Variants in DPP4 observed in about 807,000 individuals in gnomAD.
DPP4 encodes dipeptidyl peptidase 4.
A neutral mutation model predicts 122.4 loss-of-function variants in DPP4; 93 were observed. The ratio of observed to expected loss-of-function variants is 0.76; its 90% confidence interval spans 0.64 to 0.90. DPP4 has a LOEUF of 0.90. Among genes scored for constraint, DPP4 ranks in the 40% least tolerant of loss-of-function variants. The pLI is 0.00. For missense variants in DPP4, 914 were observed against 907.3 expected, an observed-to-expected ratio of 1.01 and a Z score of -0.09; for synonymous variants, 321 against 302.9, an observed-to-expected ratio of 1.06 and a Z score of -0.62.
chr2:162,024,127 G>A (rs1036807713), intron 11 of DPP4, among the ~76,000 whole-genome samples: 1 of 152,210 alleles, frequency 6.6e-6, no homozygotes, highest in Non-Finnish European at 1.5e-5. Context: ...TAGATAAGGG[G>A]GATTGGGGAG....
intron 3 of DPP4, 63 bp from the exon 4 acceptor site, chr2:162,047,069 A>G (rs73971544): frequency 0.02 from 17,832 of 884,806 alleles, 463 homozygotes; most frequent in African/African-American, 0.098. Flanking sequence ...CATAAGCTGA[A>G]AATTACAGAA....
At chr2:162,048,964 T>C (rs1240427089) in intron 2 of DPP4, among the ~76,000 whole-genome samples, 2 of 152,232 alleles carry the variant, frequency 1.3e-5, no homozygotes, top group Non-Finnish European at 1.5e-5. Flanking sequence ...GATATCATCC[T>C]AGAAGCATAA....
At chr2:162,027,462 T>A (rs923218883) in intron 10 of DPP4, among the ~76,000 whole-genome samples, 1 of 152,008 alleles carries the variant, frequency 6.6e-6, no homozygotes, top group Non-Finnish European at 1.5e-5. Flanking sequence ...GTATCAGTGG[T>A]TACTATTTTT....
At chr2:162,059,895 T>C (rs1236010971) in intron 2 of DPP4, among the ~76,000 whole-genome samples, 1 of 152,198 alleles carries the variant, frequency 6.6e-6, no homozygotes, top group East Asian at 1.9e-4. Flanking sequence ...TAATTACGCA[T>C]TCTTATGGTG....
chr2:162,066,872 G>A (rs959093871), intron 2 of DPP4, among the ~76,000 whole-genome samples: 4 of 152,100 alleles, frequency 2.6e-5, no homozygotes, highest in Non-Finnish European at 4.4e-5. Context: ...TTACGGAAAC[G>A]AATAGAGCAA....
At chr2:162,000,858 T>A (rs1677618419) in intron 23 of DPP4, among the ~76,000 whole-genome samples, 1 of 152,178 alleles carries the variant, frequency 6.6e-6, no homozygotes, top group Non-Finnish European at 1.5e-5. Context: ...CTGTGTGTAT[T>A]CATAAATCTA....
chr2:162,034,131 G>A (rs1037557742), intron 9 of DPP4, among the ~76,000 whole-genome samples: 1 of 151,764 alleles, frequency 6.6e-6, no homozygotes, highest in Admixed American at 6.6e-5. Flanking sequence ...CTGAGTCAAC[G>A]GTGTCAATTA....
intron 20 of DPP4, among the ~76,000 whole-genome samples, chr2:162,010,342 T>C (rs1682646286): frequency 6.6e-6 from 1 of 152,224 alleles, no homozygotes; most frequent in Non-Finnish European, 1.5e-5. Flanking sequence ...GTTTTTCTTT[T>C]ATTGAATTCC....
intron 10 of DPP4, among the ~76,000 whole-genome samples, chr2:162,026,117 T>C (rs1226489585): frequency 2.0e-5 from 3 of 152,162 alleles, no homozygotes; most frequent in Non-Finnish European, 4.4e-5. Context: ...TCTTCAGAAT[T>C]CATAGATCAA....
rs374225124 is a variant in DPP4, at chr2:162,000,974, C to T, written c.2052+4771G>A. On this transcript the variant is annotated intron_variant, in intron 23 of 25. Coordinates refer to ENST00000360534, the MANE Select transcript of DPP4 (RefSeq NM_001935.4). The stretch of plus-strand genomic sequence containing the variant: ...AGTTCATCGGACCTGCTTCACACAT[C>T]GCCAGAAAACCACTCTTCCTGCTAT... 8.5e-5 allele frequency among the ~76,000 whole-genome samples: 13 copies of T among 152,286 alleles called. No homozygotes were observed. In the South Asian group the frequency reaches 2.3e-3, roughly 27 times the overall value.
chr2:161,994,147 G>A (rs1700934456), intron 25 of DPP4, among the ~76,000 whole-genome samples: 1 of 152,138 alleles, frequency 6.6e-6, no homozygotes, highest in Admixed American at 6.5e-5. Flanking sequence ...AATTAAAGTA[G>A]CATTTGTCTT....
intron 2 of DPP4, among the ~76,000 whole-genome samples, chr2:162,065,976 T>A (rs1361363561): frequency 6.6e-6 from 1 of 152,178 alleles, no homozygotes; most frequent in Non-Finnish European, 1.5e-5. Flanking sequence ...GAGAATTACC[T>A]TCTGTCAACA....
chr2:162,025,046 T>C, intron 10 of DPP4, 107 bp from the exon 11 acceptor site: 1 of 1,250,344 alleles, frequency 8.0e-7, no homozygotes, highest in Admixed American at 2.5e-5. Flanking sequence ...TCAATCTTAA[T>C]GGGAAGTAGA....
chr2:162,036,381 A>AT (rs1178750501), intron 8 of DPP4, among the ~76,000 whole-genome samples: 1 of 152,222 alleles, frequency 6.6e-6, no homozygotes, highest in Admixed American at 6.5e-5. Context: ...AGCAGCTGAC[A>AT]TTCAATGAGT....
At chr2:162,072,916 G>T (rs551731307) in intron 2 of DPP4, among the ~76,000 whole-genome samples, 1 of 152,190 alleles carries the variant, frequency 6.6e-6, no homozygotes, top group African/African-American at 2.4e-5. Context: ...AGGGAAAACA[G>T]TCTGGGTTCC....
At chr2:162,000,579 T>G (rs1309889868) in intron 23 of DPP4, among the ~76,000 whole-genome samples, 1 of 152,198 alleles carries the variant, frequency 6.6e-6, no homozygotes, top group Non-Finnish European at 1.5e-5. Context: ...AGATGGCATA[T>G]TTACAAAATT....
intron 23 of DPP4, among the ~76,000 whole-genome samples, chr2:161,997,594 C>A (rs1014622012): frequency 6.6e-5 from 10 of 152,142 alleles, no homozygotes; most frequent in Non-Finnish European, 1.5e-4. Flanking sequence ...AAAATATGCT[C>A]ATTCTGAAAT....
intron 10 of DPP4, 142 bp downstream of exon 10, chr2:162,033,399 T>G: frequency 1.7e-6 from 1 of 576,128 alleles, no homozygotes; most frequent in East Asian, 3.2e-5. Flanking sequence ...CAACAAAGAG[T>G]TGCTGAAGGA....
chr2:162,032,703 C>G (rs997083464), intron 10 of DPP4, among the ~76,000 whole-genome samples: 1 of 124,252 alleles, frequency 8.0e-6, no homozygotes, highest in South Asian at 2.4e-4. Context: ...ACAACAACAA[C>G]AACAACAAAA....
Sources: allele counts gnomAD v4.1 joint callset (sites outside exome capture counted in the v4.1 genomes callset), GRCh38; gene constraint gnomAD v4.1.1; transcripts MANE v1.5; gene names NCBI Gene and HGNC (gene_info 2026-07-23, HGNC 2026-07-21).